The following FBXL5 variants were observed in gnomAD, a reference collection of about 807,000 sequenced individuals.
FBXL5 encodes the protein F-box/LRR-repeat protein 5.
A neutral mutation model predicts 78.3 loss-of-function variants in FBXL5; 26 were observed. The ratio of observed to expected loss-of-function variants is 0.33; its 90% confidence interval spans 0.24 to 0.46. The LOEUF is 0.46. FBXL5 is among the 20% of genes least tolerant of loss of function. The pLI, the probability that FBXL5 is intolerant of heterozygous loss-of-function variation, is 1.00. For synonymous variants in FBXL5, 295 were observed against 282.5 expected, an observed-to-expected ratio of 1.04 and a Z score of -0.45; for missense variants, 710 against 829.2, an observed-to-expected ratio of 0.86 and a Z score of 1.77.
At chr4:15,613,845 G>GT (rs61224701) in intron 9 of FBXL5, among the ~76,000 whole-genome samples, 3 of 151,216 alleles carry the variant, frequency 2.0e-5, no homozygotes, top group African/African-American at 7.3e-5. Flanking sequence ...TATAACTTTT[G>GT]TTTTTTTTTT....
intron 10 of FBXL5, among the ~76,000 whole-genome samples, chr4:15,607,850 A>T (rs1352952320): frequency 1.3e-5 from 2 of 152,120 alleles, no homozygotes; most frequent in Non-Finnish European, 2.9e-5. Context: ...TCCATTCTAA[A>T]TTTTTTTAAA....
chr4:15,667,151 A>G (rs1717581220), intron 1 of FBXL5, among the ~76,000 whole-genome samples: 1 of 152,210 alleles, frequency 6.6e-6, no homozygotes, highest in Admixed American at 6.5e-5. Context: ...ATCATGGGAC[A>G]GTGCAAAGGG....
chr4:15,633,205 GAAT>G (rs1440263680), intron 5 of FBXL5, among the ~76,000 whole-genome samples: 10 of 152,286 alleles, frequency 6.6e-5, no homozygotes, highest in South Asian at 2.1e-4. Context: ...TATGGAAACA[GAAT>G]AATAACTACA....
chr4:15,626,793 G>T, intron 8 of FBXL5, 80 bp downstream of exon 8: 1 of 989,822 alleles, frequency 1.0e-6, no homozygotes, highest in Non-Finnish European at 1.5e-6. Flanking sequence ...AAAAATAATA[G>T]TATGATTAAA....
upstream of FBXL5, among the ~76,000 whole-genome samples, chr4:15,658,536 A>C (rs1459726071): frequency 6.6e-6 from 1 of 152,134 alleles, no homozygotes; most frequent in Non-Finnish European, 1.5e-5. Flanking sequence ...GTGGCTTTAC[A>C]AGAGGAAGAA....
At chr4:15,628,448 G>A (rs1713287061) in intron 6 of FBXL5, among the ~76,000 whole-genome samples, 2 of 152,034 alleles carry the variant, frequency 1.3e-5, no homozygotes, top group Non-Finnish European at 2.9e-5. Context: ...TGTAAAGCTT[G>A]GATGTTTACA....
rs1427751891 is a variant in FBXL5, at chr4:15,605,363, T to A, written c.*360A>T. The A allele has an allele frequency of 5.7e-6, 1 of 176,672 alleles. No homozygotes were observed. The highest frequency in any genetic ancestry group is 1.2e-5 in the Non-Finnish European group (1 of 82,034). The allele number at this position is 176,672 out of a possible 1,614,324, so 10.9% of individuals were successfully genotyped here. A position where few individuals can be genotyped will look rare whatever the true frequency, so the allele number is the denominator to read the frequency against. The stretch of plus-strand genomic sequence containing the variant: ...AAGATCTGCAAAGCTTGGTACAGTG[T>A]TAATGTGTAAAGAGAACCAATCACC... On this transcript the variant is annotated 3_prime_UTR_variant, in exon 11 of 11. Coordinates refer to ENST00000341285, the MANE Select transcript of FBXL5 (RefSeq NM_012161.4).
chr4:15,649,578 C>CAAAAAAAAAAAA (rs34238482), intron 1 of FBXL5, among the ~76,000 whole-genome samples: 3 of 81,344 alleles, frequency 3.7e-5, no homozygotes, highest in Non-Finnish European at 4.9e-5. Flanking sequence ...GACTACGTCT[C>CAAAAAAAAAAAA]AAAAAAAAAA....
At chr4:15,605,989 A>G (rs565976414) in intron 10 of FBXL5, among the ~76,000 whole-genome samples, 190 bp from the exon 11 acceptor site, 7 of 152,224 alleles carry the variant, frequency 4.6e-5, no homozygotes, top group Admixed American at 4.6e-4. Flanking sequence ...TTTAATTAAT[A>G]TATCCTTCAT....
At chr4:15,657,553 C>G (rs961641177), upstream of FBXL5, among the ~76,000 whole-genome samples, 1 of 152,164 alleles carries the variant, frequency 6.6e-6, no homozygotes, top group African/African-American at 2.4e-5. Flanking sequence ...AGATTTGAAG[C>G]TCTATAATCA....
chr4:15,660,411 G>A (rs527547282), upstream of FBXL5, among the ~76,000 whole-genome samples: 288 of 152,104 alleles, frequency 1.9e-3, 1 homozygote, highest in African/African-American at 6.5e-3. Context: ...TCAAAACAGA[G>A]TACCAAAAAA....
At chr4:15,639,532 A>G (rs1714620458) in intron 3 of FBXL5, among the ~76,000 whole-genome samples, 1 of 152,246 alleles carries the variant, frequency 6.6e-6, no homozygotes, top group African/African-American at 2.4e-5. Context: ...TTCTTCTGCT[A>G]AACAGATGCT....
intron 1 of FBXL5, among the ~76,000 whole-genome samples, chr4:15,647,238 A>AG (rs1049483589): frequency 7.3e-6 from 1 of 137,478 alleles, no homozygotes; most frequent in Admixed American, 7.8e-5. Flanking sequence ...AAAAAAAAAA[A>AG]AAAAAGAAAG....
intron 1 of FBXL5, among the ~76,000 whole-genome samples, chr4:15,667,972 T>A (rs1009264183): frequency 3.3e-5 from 5 of 149,526 alleles, no homozygotes; most frequent in Non-Finnish European, 7.4e-5. Flanking sequence ...ACTCGGGAGG[T>A]GGAGGTTGCG....
chr4:15,607,679 C>CA (rs1721980614), intron 10 of FBXL5, among the ~76,000 whole-genome samples: 1 of 152,124 alleles, frequency 6.6e-6, no homozygotes, highest in Admixed American at 6.5e-5. Context: ...ACCCCTTACA[C>CA]TGCCCACTGT....
At chr4:15,613,845 GT>G (rs61224701) in intron 9 of FBXL5, among the ~76,000 whole-genome samples, 145,015 of 151,312 alleles carry the variant, frequency 0.96, 69,750 homozygotes, top group Non-Finnish European at 1. Context: ...TATAACTTTT[GT>G]TTTTTTTTTT....
intron 10 of FBXL5, among the ~76,000 whole-genome samples, chr4:15,607,847 T>C (rs1438803707): frequency 6.6e-6 from 1 of 152,198 alleles, no homozygotes; most frequent in Non-Finnish European, 1.5e-5. Context: ...AATTCCATTC[T>C]AAATTTTTTT....
intron 9 of FBXL5, among the ~76,000 whole-genome samples, chr4:15,619,866 C>G (rs1362628565): frequency 2.0e-5 from 3 of 152,094 alleles, no homozygotes; most frequent in Non-Finnish European, 4.4e-5. Context: ...TCTCTATTTA[C>G]AGATGATAAG....
In FBXL5 at chr4:15,636,683, T is replaced by C; in HGVS notation, c.584-7A>G. On this transcript the variant is annotated splice_region_variant and splice_polypyrimidine_tract_variant and intron_variant, in intron 4 of 10. Coordinates refer to ENST00000341285, the MANE Select transcript of FBXL5 (RefSeq NM_012161.4). ...TGTTCTGACACTTCTGCTTCTGAAA[T>C]AAAAAAGAAAAACTTTACCAGTAAA... 1 of 1,528,660 alleles carries C rather than the reference T, an allele frequency of 6.5e-7. No individual in the cohort carries two copies. The highest frequency in any genetic ancestry group is 1.2e-5 in the South Asian group (1 of 81,098). The allele number at this position is 1,528,660 out of a possible 1,614,324, so 94.7% of individuals were successfully genotyped here. A position where few individuals can be genotyped will look rare whatever the true frequency, so the allele number is the denominator to read the frequency against.
Sources: gnomAD v4.1 joint callset for allele counts (sites outside exome capture counted in the v4.1 genomes callset) on GRCh38, gnomAD v4.1.1 for gene constraint, MANE v1.5 for transcripts, NCBI Gene and HGNC (gene_info 2026-07-23, HGNC 2026-07-21) for gene names.